CSMD1: variants seen among roughly 807,000 people sequenced by gnomAD.
CSMD1 encodes the protein CUB and sushi domain-containing protein 1.
In CSMD1, 213 loss-of-function variants were observed where a neutral mutation model predicts 417.5. That is an observed-to-expected ratio of 0.51 (90% CI 0.46 to 0.57). CSMD1 has a LOEUF of 0.57. Ranked by LOEUF, CSMD1 falls within the 20% of genes least tolerant of loss-of-function variation. CSMD1 has a pLI of 0.00. For missense variants in CSMD1, 6,923 were observed against 4,529.7 expected, an observed-to-expected ratio of 1.53 and a Z score of -15.17; for synonymous variants, 2,862 against 1,736.8, an observed-to-expected ratio of 1.65 and a Z score of -16.11.
chr8:4,642,184 C>A (rs1773211765), intron 1 of CSMD1, among the ~76,000 whole-genome samples: 1 of 152,120 alleles, frequency 6.6e-6, no homozygotes, highest in South Asian at 2.1e-4. Context: ...TGTTCGGGGC[C>A]CCGGTGAGCC....
At chr8:3,963,629 G>C (rs982533916) in intron 5 of CSMD1, among the ~76,000 whole-genome samples, 2 of 152,094 alleles carry the variant, frequency 1.3e-5, no homozygotes, top group African/African-American at 4.8e-5. Context: ...ATGGTATATT[G>C]TTTCATTTTT....
chr8:4,221,456 TAGC>T (rs1221498126), intron 3 of CSMD1, among the ~76,000 whole-genome samples: 4 of 151,928 alleles, frequency 2.6e-5, no homozygotes, highest in African/African-American at 7.3e-5. Flanking sequence ...GGAACTGACT[TAGC>T]AGAATTGATA....
chr8:4,337,195 A>G (rs1312862549), intron 3 of CSMD1, among the ~76,000 whole-genome samples: 1 of 152,086 alleles, frequency 6.6e-6, no homozygotes, highest in East Asian at 1.9e-4. Context: ...TGTTATCTCA[A>G]AAGGGGAGAC....
chr8:4,138,999 G>T (rs79038475), intron 3 of CSMD1, among the ~76,000 whole-genome samples: 2 of 151,902 alleles, frequency 1.3e-5, no homozygotes, highest in Non-Finnish European at 2.9e-5. Context: ...TTGACTGTAC[G>T]GCCACATGCA....
chr8:4,391,885 G>A (rs12545004), intron 3 of CSMD1, among the ~76,000 whole-genome samples: 24,238 of 152,102 alleles, frequency 0.16, 2,339 homozygotes, highest in East Asian at 0.31. Context: ...ACCAGCTTCT[G>A]CCGAGAGCTT....
rs79942516 is a variant in CSMD1 at position 4,141,486 on chromosome 8, G to C, written c.416-109387C>G. 2.6e-5 allele frequency among the ~76,000 whole-genome samples: 4 copies of C among 151,152 alleles called. No individual in the cohort carries two copies. The East Asian group carries it at 7.7e-4, about 29-fold the overall frequency. ...TGCTTTTGTATACAATATGCCATTT[G>C]GTCTTCACAATAATCCTGAGAGTTA... On this transcript the variant is annotated intron_variant, in intron 3 of 69. Coordinates refer to ENST00000635120, the MANE Select transcript of CSMD1 (RefSeq NM_033225.6).
intron 1 of CSMD1, among the ~76,000 whole-genome samples, chr8:4,798,436 T>A (rs953918864): frequency 6.6e-6 from 1 of 152,158 alleles, no homozygotes; most frequent in Admixed American, 6.5e-5. Context: ...ATTTTATTTT[T>A]AAAAAGGAGA....
At chr8:3,428,185 A>G (rs1813979943) in intron 12 of CSMD1, among the ~76,000 whole-genome samples, 1 of 152,218 alleles carries the variant, frequency 6.6e-6, no homozygotes, top group Non-Finnish European at 1.5e-5. Flanking sequence ...TTGGGGACCT[A>G]AAAGTGATAT....
intron 1 of CSMD1, among the ~76,000 whole-genome samples, chr8:4,865,341 C>A (rs1802366029): frequency 6.6e-6 from 1 of 151,660 alleles, no homozygotes; most frequent in Admixed American, 6.6e-5. Context: ...TAACTTACTG[C>A]AAGACGAAAT....
At chr8:3,104,312 G>A (rs1395749293) in intron 46 of CSMD1, among the ~76,000 whole-genome samples, 1 of 152,108 alleles carries the variant, frequency 6.6e-6, no homozygotes, top group African/African-American at 2.4e-5. Context: ...CACAGACGTT[G>A]GCTTTCTTCT....
chr8:4,910,930 G>C (rs12681732), intron 1 of CSMD1, among the ~76,000 whole-genome samples: 37,114 of 152,078 alleles, frequency 0.24, 5,265 homozygotes, highest in East Asian at 0.52. Flanking sequence ...ATGGGGTCAG[G>C]TCTCTCCCAT....
At chr8:3,341,658 G>C (rs1163928445) in intron 23 of CSMD1, among the ~76,000 whole-genome samples, 1 of 152,146 alleles carries the variant, frequency 6.6e-6, no homozygotes, top group Non-Finnish European at 1.5e-5. Context: ...TCTTTGCCCA[G>C]GGAGCCATAG....
intron 53 of CSMD1, among the ~76,000 whole-genome samples, chr8:2,999,043 G>C (rs1053699444): frequency 1.3e-5 from 2 of 152,090 alleles, no homozygotes; most frequent in Non-Finnish European, 2.9e-5. Context: ...GCAATAAAGT[G>C]AGAGTACATT....
Position 3,591,496 on chromosome 8 carries a change from A to G in CSMD1, c.1098-5236T>C, listed in dbSNP as rs527266383. Among the ~76,000 whole-genome samples, 3 of 152,308 alleles carry G rather than the reference A, an allele frequency of 2.0e-5. No homozygotes were observed. In the East Asian group the frequency reaches 5.8e-4, roughly 29 times the overall value. ...ACATTGGTATCATAACTATTTTTGAAAAATAATTTGAGGTGACTCGAAGAT... is the reference window on the plus strand; with the variant it reads ...ACATTGGTATCATAACTATTTTTGAGAAATAATTTGAGGTGACTCGAAGAT... On this transcript the variant is annotated intron_variant, in intron 8 of 69. Transcript: ENST00000635120.
In CSMD1 at chr8:3,407,947, G is replaced by A. The variant is rs1287947266; in HGVS notation, c.2023C>T (p.Gln675Ter). 6.2e-7 allele frequency: 1 copy of A among 1,613,374 alleles called. No individual in the cohort carries two copies. Among genetic ancestry groups the A allele is most frequent in the Non-Finnish European group, 8.5e-7 (1 of 1,179,654 alleles). ...SSGHIVRLEF[Q>*]SDHSTTGRGF... ...CTGCCAGTAGTGGAATGGTCAGACT[G>A]AAATTCCAAGCGAACTATATGCCCA... Residue 675 changes from glutamine to a stop codon, truncating the protein, a stop_gained, in exon 14 of 70, where the codon CAG becomes TAG. Coordinates refer to ENST00000635120, the MANE Select transcript of CSMD1 (RefSeq NM_033225.6). LOFTEE classifies it high-confidence loss of function.
At chr8:4,493,650 G>A (rs985646943) in intron 2 of CSMD1, among the ~76,000 whole-genome samples, 6 of 152,244 alleles carry the variant, frequency 3.9e-5, no homozygotes, top group South Asian at 2.1e-4. Flanking sequence ...AGCTATGAGC[G>A]TGCCAATGTA....
chr8:3,369,964 AG>A (rs1269988457), intron 18 of CSMD1, among the ~76,000 whole-genome samples: 1 of 152,172 alleles, frequency 6.6e-6, no homozygotes, highest in Non-Finnish European at 1.5e-5. Flanking sequence ...TCTTGAAAAT[AG>A]AAATTATGAT....
At chr8:3,653,580 A>G (rs925802104) in intron 7 of CSMD1, among the ~76,000 whole-genome samples, 1 of 152,134 alleles carries the variant, frequency 6.6e-6, no homozygotes, top group African/African-American at 2.4e-5. Flanking sequence ...AAGTGCTGGG[A>G]TTTCAGGTGT....
intron 3 of CSMD1, among the ~76,000 whole-genome samples, chr8:4,311,877 G>A (rs1281047510): frequency 1.3e-5 from 2 of 151,920 alleles, no homozygotes; most frequent in Non-Finnish European, 2.9e-5. Flanking sequence ...ATAATACCTG[G>A]GTGATCAAAT....
Sources: gnomAD v4.1 joint callset for allele counts (sites outside exome capture counted in the v4.1 genomes callset) on GRCh38, gnomAD v4.1.1 for gene constraint, MANE v1.5 for transcripts, NCBI Gene and HGNC (gene_info 2026-07-23, HGNC 2026-07-21) for gene names.